DPYD: variants seen among roughly 807,000 people sequenced by gnomAD.
DPYD encodes dihydropyrimidine dehydrogenase [NADP(+)].
A neutral mutation model predicts 116.2 loss-of-function variants in DPYD; 109 were observed. That is an observed-to-expected ratio of 0.94 (90% CI 0.80 to 1.10). The LOEUF (loss-of-function observed/expected upper bound fraction) is 1.10, where lower values mean the gene tolerates loss of function less well. Among genes scored for constraint, DPYD ranks in the 50% least tolerant of loss-of-function variants. The pLI is 0.00. For synonymous variants in DPYD, 440 were observed against 432.0 expected (o/e 1.02, Z -0.23); for missense variants, 1,302 against 1,254.5 (o/e 1.04, Z -0.57).
chr1:97,859,329 C>T (rs1671002279), intron 2 of DPYD, among the ~76,000 whole-genome samples: 1 of 152,078 alleles, frequency 6.6e-6, no homozygotes, highest in Admixed American at 6.6e-5. Flanking sequence ...ATTTGGAGTT[C>T]TGAGCTAAGG....
At chr1:97,114,576 AG>A (rs1221799046) in intron 20 of DPYD, among the ~76,000 whole-genome samples, 1 of 152,178 alleles carries the variant, frequency 6.6e-6, no homozygotes, top group African/African-American at 2.4e-5. Flanking sequence ...TCTGTTGATC[AG>A]TGTGCAGGGG....
At chr1:97,235,586 T>G (rs1661863502) in intron 18 of DPYD, among the ~76,000 whole-genome samples, 1 of 152,078 alleles carries the variant, frequency 6.6e-6, no homozygotes, top group Admixed American at 6.5e-5. Context: ...ATCACACCAT[T>G]GCACTCCAGC....
chr1:97,622,673 G>A (rs1656699802), intron 8 of DPYD, among the ~76,000 whole-genome samples: 1 of 151,986 alleles, frequency 6.6e-6, no homozygotes, highest in African/African-American at 2.4e-5. Context: ...ACTGAATGTG[G>A]ACTCCAGCGA....
chr1:97,611,460 A>T (rs1655942349), intron 8 of DPYD, among the ~76,000 whole-genome samples: 1 of 152,186 alleles, frequency 6.6e-6, no homozygotes, highest in East Asian at 1.9e-4. Context: ...TTTTCTATAG[A>T]GAGAAAAAAT....
intron 3 of DPYD, among the ~76,000 whole-genome samples, chr1:97,792,266 A>G (rs1477866108): frequency 2.6e-5 from 4 of 151,384 alleles, no homozygotes; most frequent in African/African-American, 9.7e-5. Context: ...CTGAGCTTTT[A>G]TTTTTTTATT....
chr1:97,568,806 T>C (rs533113130), intron 11 of DPYD, among the ~76,000 whole-genome samples: 1 of 152,200 alleles, frequency 6.6e-6, no homozygotes, highest in South Asian at 2.1e-4. Context: ...TGCACAAATA[T>C]TTTTGTGGAT....
intron 20 of DPYD, among the ~76,000 whole-genome samples, chr1:97,156,471 C>T (rs868458137): frequency 6.6e-6 from 1 of 152,086 alleles, no homozygotes; most frequent in African/African-American, 2.4e-5. Context: ...TGAACAGACA[C>T]TTCTCAAAAG....
At chr1:97,122,805 C>A (rs1387996578) in intron 20 of DPYD, among the ~76,000 whole-genome samples, 1 of 152,056 alleles carries the variant, frequency 6.6e-6, no homozygotes, top group Non-Finnish European at 1.5e-5. Context: ...TTACTCCTTG[C>A]TATCTTTATT....
intron 19 of DPYD, among the ~76,000 whole-genome samples, chr1:97,198,398 A>G (rs570292056): frequency 1.3e-5 from 2 of 152,330 alleles, no homozygotes; most frequent in Admixed American, 1.3e-4. Context: ...GTCATGTTTG[A>G]AGAAACAAGA....
chr1:97,859,832 C>A (rs1046925493), intron 2 of DPYD, among the ~76,000 whole-genome samples: 1 of 151,904 alleles, frequency 6.6e-6, no homozygotes, highest in African/African-American at 2.4e-5. Flanking sequence ...ATATAAATGA[C>A]AAAGATATGT....
chr1:97,269,600 G>C (rs182121720), intron 18 of DPYD, among the ~76,000 whole-genome samples: 1 of 152,088 alleles, frequency 6.6e-6, no homozygotes, highest in Admixed American at 6.6e-5. Context: ...CTGGGAAGTC[G>C]GTGGTTGAGG....
intron 8 of DPYD, among the ~76,000 whole-genome samples, chr1:97,621,985 G>A (rs1371352630): frequency 1.3e-5 from 2 of 151,972 alleles, no homozygotes; most frequent in African/African-American, 4.8e-5. Context: ...ATATCCACGA[G>A]TCCATCATAC....
At chr1:97,403,755 A>G (rs546770066) in intron 14 of DPYD, among the ~76,000 whole-genome samples, 1 of 151,824 alleles carries the variant, frequency 6.6e-6, no homozygotes, top group East Asian at 1.9e-4. Context: ...AAATAATCAG[A>G]TTTTGTTGAT....
intron 14 of DPYD, among the ~76,000 whole-genome samples, chr1:97,432,480 CT>C (rs1675238237): frequency 6.6e-6 from 1 of 151,452 alleles, no homozygotes; most frequent in Non-Finnish European, 1.5e-5. Context: ...AATTCCACAT[CT>C]TTTCATGACT....
intron 20 of DPYD, among the ~76,000 whole-genome samples, chr1:97,122,333 A>G (rs891510516): frequency 6.6e-6 from 1 of 152,150 alleles, no homozygotes; most frequent in Admixed American, 6.6e-5. Context: ...AGGATGCTCT[A>G]TTTTGGTTTT....
chr1:97,198,649 A>G (rs1042868443), intron 19 of DPYD, among the ~76,000 whole-genome samples: 1 of 152,160 alleles, frequency 6.6e-6, no homozygotes, highest in African/African-American at 2.4e-5. Context: ...TTTATATGAC[A>G]TCTCTTAATT....
chr1:97,601,853 T>C (rs926016968), intron 8 of DPYD, among the ~76,000 whole-genome samples: 1 of 152,010 alleles, frequency 6.6e-6, no homozygotes, highest in Non-Finnish European at 1.5e-5. Context: ...TGATTCAATA[T>C]AACACATATG....
chr1:97,444,740 T>C (rs1158942879), intron 14 of DPYD, among the ~76,000 whole-genome samples: 2 of 152,160 alleles, frequency 1.3e-5, no homozygotes, highest in African/African-American at 4.8e-5. Flanking sequence ...GAGATTCCAA[T>C]ATCCAAACAG....
At chr1:97,226,981 G>C (rs1427053469) in intron 19 of DPYD, among the ~76,000 whole-genome samples, 7 of 152,056 alleles carry the variant, frequency 4.6e-5, no homozygotes, top group Non-Finnish European at 1.0e-4. Context: ...ACGGAGAAAT[G>C]ATACATTCCA....
Sources: allele counts gnomAD v4.1 joint callset (sites outside exome capture counted in the v4.1 genomes callset), GRCh38; gene constraint gnomAD v4.1.1; transcripts MANE v1.5; gene names NCBI Gene and HGNC (gene_info 2026-07-23, HGNC 2026-07-21).